MECR: variants seen among roughly 807,000 people sequenced by gnomAD.
MECR encodes the protein mitochondrial trans-2-enoyl-CoA reductase.
In MECR, 37 loss-of-function variants were observed where a neutral mutation model predicts 49.1. The observed-to-expected ratio is 0.75, with a 90% confidence interval of 0.58 to 0.99. The LOEUF (loss-of-function observed/expected upper bound fraction) is 0.99. MECR is among the 50% of genes least tolerant of loss of function. The probability of loss-of-function intolerance (pLI) is 0.00; values close to 1 mark genes in which losing one functional copy is unlikely to be tolerated. For missense variants in MECR, 470 were observed against 479.6 expected, an observed-to-expected ratio of 0.98 and a Z score of 0.19; for synonymous variants, 198 against 191.1, an observed-to-expected ratio of 1.04 and a Z score of -0.30.
At chr1:29,203,294 T>A (rs1675786451) in intron 4 of MECR, 61 bp from the exon 5 acceptor site, 1 of 1,342,962 alleles carries the variant, frequency 7.4e-7, no homozygotes, top group East Asian at 2.6e-5. Context: ...GGTCAAAGGC[T>A]CCCAGCCGGG....
the MECR span, among the ~76,000 whole-genome samples, chr1:29,180,876 C>T: frequency 6.6e-6 from 1 of 152,204 alleles, no homozygotes; most frequent in African/African-American, 2.4e-5. Flanking sequence ...ATTTCGTCTC[C>T]GTCTGCGTTA....
chr1:29,230,912 C>A lies in MECR; in HGVS notation c.-6G>T. On this transcript the variant is annotated 5_prime_UTR_variant, in exon 1 of 10. Coordinates refer to ENST00000263702, the MANE Select transcript of MECR (RefSeq NM_016011.5). The stretch of plus-strand genomic sequence containing the variant: ...AGGGTACTGCAGACCCACATGCTCG[C>A]TCCAACCAACACAGAGCCTGACGCC... 6.3e-7 allele frequency: 1 copy of A among 1,596,318 alleles called. No individual in the cohort carries two copies.
the MECR span, among the ~76,000 whole-genome samples, chr1:29,177,294 T>C: frequency 1.3e-5 from 2 of 151,836 alleles, no homozygotes; most frequent in Non-Finnish European, 2.9e-5. Flanking sequence ...TTTTTTTTTT[T>C]TTTTGAGACG....
chr1:29,207,578 G>GAAA (rs552884865), intron 3 of MECR, among the ~76,000 whole-genome samples: 2 of 105,482 alleles, frequency 1.9e-5, no homozygotes, highest in Non-Finnish European at 2.0e-5. Context: ...TGTCTCTACA[G>GAAA]AAAAAAAAAA....
At chr1:29,174,675 G>T in the MECR span, among the ~76,000 whole-genome samples, 2 of 130,702 alleles carry the variant, frequency 1.5e-5, no homozygotes, top group East Asian at 2.3e-4. Context: ...CAGGAGATAG[G>T]TTTTTTTTTT....
In MECR at chr1:29,201,800, G is replaced by T; in HGVS notation, c.756+143C>A. ...GTGCTGCCTGCCGCCTGGCTAGGGG[G>T]AATGGGCTTTAACCAACCAAGAGGC... is the stretch of plus-strand genomic sequence containing the variant. On this transcript the variant is annotated intron_variant, in intron 6 of 9. Transcript: ENST00000263702. This position sits in a 1 kb window ranked among gnomAD's most constrained non-coding sequence, Gnocchi z 4.3. The T allele has an allele frequency of 1.4e-6, 1 of 738,866 alleles. No individual in the cohort carries two copies. Among genetic ancestry groups the T allele is most frequent in the Middle Eastern group, 3.0e-4 (1 of 3,384 alleles). The allele number at this position is 738,866 out of a possible 1,614,324, so 45.8% of individuals were successfully genotyped here.
At chr1:29,179,672 A>G in the MECR span, among the ~76,000 whole-genome samples, 1 of 152,130 alleles carries the variant, frequency 6.6e-6, no homozygotes, top group Non-Finnish European at 1.5e-5. Flanking sequence ...AGAAACCTAA[A>G]TTTCTTCACT....
intron 1 of MECR, among the ~76,000 whole-genome samples, chr1:29,229,479 C>T (rs1399269263): frequency 2.0e-5 from 3 of 152,352 alleles, no homozygotes; most frequent in African/African-American, 7.2e-5. Flanking sequence ...GCTGGGATTA[C>T]AGGCGTGAGC....
the MECR span, chr1:29,181,497 G>C: frequency 1.6e-6 from 1 of 610,564 alleles, no homozygotes; most frequent in African/African-American, 2.0e-5. Flanking sequence ...GGGCCTACCC[G>C]CGCCCCCGAG....
chr1:29,175,194 T>A, the MECR span, among the ~76,000 whole-genome samples: 1 of 146,870 alleles, frequency 6.8e-6, no homozygotes, highest in Non-Finnish European at 1.5e-5. Context: ...GGTAGATCAC[T>A]TTGAGGTCAG....
the MECR span, among the ~76,000 whole-genome samples, chr1:29,179,387 G>A: frequency 5.7e-4 from 86 of 152,124 alleles, 1 homozygote; most frequent in Middle Eastern, 6.8e-3. Flanking sequence ...TAGAGATGGG[G>A]GTCTTGCTGT....
chr1:29,179,454 G>C, the MECR span, among the ~76,000 whole-genome samples: 1 of 152,132 alleles, frequency 6.6e-6, no homozygotes, highest in Non-Finnish European at 1.5e-5. Context: ...TGAAATCCTA[G>C]GCTGAAGTGA....
At chr1:29,217,649 C>A (rs1679820657) in intron 1 of MECR, among the ~76,000 whole-genome samples, 1 of 152,212 alleles carries the variant, frequency 6.6e-6, no homozygotes, top group African/African-American at 2.4e-5. Context: ...CACCTCTGAT[C>A]TACTAAGCCA....
rs1269619714 is a variant in MECR at position 29,201,061 on chromosome 1, G to T, written c.757-472C>A. Among the ~76,000 whole-genome samples, 1 of 152,234 alleles carries T rather than the reference G, an allele frequency of 6.6e-6. No individual in the cohort carries two copies. The highest frequency in any genetic ancestry group is 1.5e-5 in the Non-Finnish European group (1 of 68,046). ...TCCGCCTGCCTTGGCCTCCCGAAGT[G>T]CTGGGATTACAGGCATGAGTCACCT... On this transcript the variant is annotated intron_variant, in intron 6 of 9. Coordinates refer to ENST00000263702, the MANE Select transcript of MECR (RefSeq NM_016011.5). This position sits in a 1 kb window ranked among gnomAD's most constrained non-coding sequence, Gnocchi z 4.3.
chr1:29,198,270 G>C (rs1031994550), intron 7 of MECR, among the ~76,000 whole-genome samples: 1 of 152,210 alleles, frequency 6.6e-6, no homozygotes, highest in African/African-American at 2.4e-5. Context: ...GCGGCCTGGG[G>C]GCTGGGGACC....
rs1025862183 is a variant in MECR, at chr1:29,202,098, G to GC, written c.654-54dup. On this transcript the variant is annotated intron_variant, in intron 5 of 9. Transcript: ENST00000263702. ...ACATCTGCCAGCTTTTTCCACCAAA[G>GC]CCCCCCAGGACCTCTCTGCCACAGC... The GC allele has an allele frequency of 2.7e-6, 4 of 1,484,988 alleles. No homozygotes were observed. The African/African-American group carries it at 4.2e-5, about 15-fold the overall frequency. The allele number at this position is 1,484,988 out of a possible 1,614,324, so 92.0% of individuals were successfully genotyped here. A position where few individuals can be genotyped will look rare whatever the true frequency, so the allele number is the denominator to read the frequency against.
intron 1 of MECR, among the ~76,000 whole-genome samples, chr1:29,225,978 G>A (rs1275830624): frequency 3.3e-5 from 5 of 152,032 alleles, no homozygotes; most frequent in Non-Finnish European, 7.4e-5. Context: ...AGACCAGCCT[G>A]GCCAACATGG....
the MECR span, among the ~76,000 whole-genome samples, chr1:29,175,847 T>C: frequency 6.6e-6 from 1 of 152,026 alleles, no homozygotes. Flanking sequence ...TCTTAGATAA[T>C]CCTAAAATTA....
chr1:29,213,869 AAGTGCTTAGAGC>A (rs373936612), intron 3 of MECR, among the ~76,000 whole-genome samples: 73 of 152,336 alleles, frequency 4.8e-4, no homozygotes, highest in Non-Finnish European at 9.6e-4. Context: ...AATATACATG[AAGTGCTTAGAGC>A]AGTGCCTGGC....
Sources: allele counts gnomAD v4.1 joint callset (sites outside exome capture counted in the v4.1 genomes callset), GRCh38; gene constraint gnomAD v4.1.1; non-coding constraint Gnocchi (gnomAD v3.1); transcripts MANE v1.5; gene names NCBI Gene and HGNC (gene_info 2026-07-23, HGNC 2026-07-21).